ZBTB20: variants seen among roughly 807,000 people sequenced by gnomAD.
The protein encoded by ZBTB20 is zinc finger and BTB domain-containing protein 20.
Under a neutral mutation model 56.9 loss-of-function variants are expected in ZBTB20, and 9 were observed. The observed-to-expected ratio is 0.16, with a 90% confidence interval of 0.10 to 0.28. The LOEUF is 0.28. Among genes scored for constraint, ZBTB20 ranks in the 10% least tolerant of loss-of-function variants. The pLI, the probability that ZBTB20 is intolerant of heterozygous loss-of-function variation, is 1.00. For missense variants in ZBTB20, 655 were observed against 1,003.0 expected (o/e 0.65, Z 4.69); for synonymous variants, 417 against 420.7 (o/e 0.99, Z 0.11).
chr3:114,463,941 A>C (rs1339618028), intron 7 of ZBTB20, among the ~76,000 whole-genome samples: 2 of 152,228 alleles, frequency 1.3e-5, no homozygotes, highest in African/African-American at 4.8e-5. Flanking sequence ...TTTCAACATA[A>C]GTCATTAATA....
chr3:114,602,647 A>T (rs1239412125), intron 6 of ZBTB20, among the ~76,000 whole-genome samples: 1 of 152,008 alleles, frequency 6.6e-6, no homozygotes, highest in East Asian at 1.9e-4. Flanking sequence ...TTGTATCTCC[A>T]GCATGTAGAA....
intron 6 of ZBTB20, among the ~76,000 whole-genome samples, chr3:114,531,692 G>C (rs1463001019): frequency 1.3e-5 from 2 of 152,178 alleles, no homozygotes; most frequent in African/African-American, 4.8e-5. Flanking sequence ...AATGACCCTG[G>C]CTGGCAAGAT....
Position 114,380,753 on chromosome 3 carries a change from G to C in ZBTB20, c.11+24C>G, listed in dbSNP as rs143236914. 6.0e-6 allele frequency: 9 copies of C among 1,498,528 alleles called. No homozygotes were observed. The African/African-American group carries it at 8.4e-5, about 14-fold the overall frequency. 92.8% of individuals were successfully genotyped at this position (1,498,528 alleles called of 1,614,324 possible). ...CCCTTAGGAGTTTTAACATGGTCTG[G>C]AAAAATACTAGTGGAAGTTTTACCG... On this transcript the variant is annotated intron_variant, in intron 9 of 11. Coordinates refer to ENST00000675478, the MANE Select transcript of ZBTB20 (RefSeq NM_001348800.3).
At chr3:115,125,346 T>TA (rs55740856) in intron 1 of ZBTB20, among the ~76,000 whole-genome samples, 13,923 of 121,386 alleles carry the variant, frequency 0.11, 1,885 homozygotes, top group African/African-American at 0.34. Context: ...CTGCCTCAAA[T>TA]AAAAAAAAAA....
intron 1 of ZBTB20, among the ~76,000 whole-genome samples, chr3:115,073,663 T>C (rs2082492165): frequency 6.6e-6 from 1 of 151,966 alleles, no homozygotes; most frequent in Admixed American, 6.6e-5. Context: ...ATAGGGAAAT[T>C]AAAAATATTT....
At chr3:114,443,321 G>A (rs973179202) in intron 7 of ZBTB20, among the ~76,000 whole-genome samples, 4 of 152,154 alleles carry the variant, frequency 2.6e-5, no homozygotes, top group Non-Finnish European at 5.9e-5. Flanking sequence ...GGTGTAACAA[G>A]CTCATTAATC....
intron 7 of ZBTB20, among the ~76,000 whole-genome samples, chr3:114,453,391 T>G (rs1308530114): frequency 6.6e-6 from 1 of 152,130 alleles, no homozygotes. Context: ...AACTGACAAG[T>G]GACACAAGTG....
At chr3:115,112,828 G>T (rs1201225026) in intron 1 of ZBTB20, among the ~76,000 whole-genome samples, 6 of 152,096 alleles carry the variant, frequency 3.9e-5, no homozygotes, top group Admixed American at 1.3e-4. Context: ...TAGAGAGATT[G>T]CAATAGAGAG....
At chr3:114,376,051 G>C (rs2083582065) in intron 10 of ZBTB20, among the ~76,000 whole-genome samples, 1 of 152,196 alleles carries the variant, frequency 6.6e-6, no homozygotes, top group African/African-American at 2.4e-5. Context: ...CAACATTATG[G>C]TTTAAATGTG....
chr3:114,806,424 C>T (rs1038468342), intron 4 of ZBTB20, among the ~76,000 whole-genome samples: 1 of 151,810 alleles, frequency 6.6e-6, no homozygotes, highest in Middle Eastern at 3.2e-3. Context: ...ATATTTTGCC[C>T]AGTTTTTAGC....
At chr3:115,120,909 A>C (rs73230609) in intron 1 of ZBTB20, among the ~76,000 whole-genome samples, 10,546 of 152,152 alleles carry the variant, frequency 0.069, 521 homozygotes, top group Non-Finnish European at 0.11. Flanking sequence ...TGCTATGGCA[A>C]AAAATAGCCA....
At chr3:114,424,098 T>C (rs954886155) in intron 7 of ZBTB20, among the ~76,000 whole-genome samples, 10 of 152,242 alleles carry the variant, frequency 6.6e-5, no homozygotes, top group African/African-American at 1.9e-4. Flanking sequence ...TATTTTTCTT[T>C]ACAGTTGTTA....
intron 1 of ZBTB20, among the ~76,000 whole-genome samples, chr3:115,096,945 T>C (rs182872323): frequency 2.0e-5 from 3 of 152,348 alleles, no homozygotes; most frequent in Admixed American, 6.5e-5. Flanking sequence ...GGGGAAAGTA[T>C]GCAGCTGCTA....
At chr3:114,400,890 A>G (rs2086756106) in intron 7 of ZBTB20, among the ~76,000 whole-genome samples, 1 of 152,116 alleles carries the variant, frequency 6.6e-6, no homozygotes, top group Non-Finnish European at 1.5e-5. Flanking sequence ...GGCTGTACCG[A>G]GTCGGCATTG....
chr3:114,559,469 AC>A (rs2051710480), intron 6 of ZBTB20, among the ~76,000 whole-genome samples: 1 of 152,158 alleles, frequency 6.6e-6, no homozygotes, highest in African/African-American at 2.4e-5. Flanking sequence ...ACAATTGTGA[AC>A]CAGGTATAAT....
intron 2 of ZBTB20, among the ~76,000 whole-genome samples, chr3:115,067,396 A>G (rs907865888): frequency 6.6e-6 from 1 of 152,038 alleles, no homozygotes; most frequent in Admixed American, 6.6e-5. Context: ...GTGCCTCTTA[A>G]AAAATTTATA....
At chr3:114,945,939 T>C (rs1474655733) in intron 3 of ZBTB20, among the ~76,000 whole-genome samples, 1 of 145,390 alleles carries the variant, frequency 6.9e-6, no homozygotes, top group African/African-American at 2.8e-5. Context: ...AAGAAGAGCA[T>C]TAAATAATAC....
At chr3:114,414,006 A>G (rs899400215) in intron 7 of ZBTB20, among the ~76,000 whole-genome samples, 1 of 151,762 alleles carries the variant, frequency 6.6e-6, no homozygotes, top group Non-Finnish European at 1.5e-5. Flanking sequence ...CTTGATATCT[A>G]AACTGTGTGT....
chr3:115,073,059 A>G (rs2082467816), intron 1 of ZBTB20, among the ~76,000 whole-genome samples: 2 of 152,338 alleles, frequency 1.3e-5, no homozygotes, highest in East Asian at 1.9e-4. Flanking sequence ...GTCATTTTCT[A>G]TAACAGGAGT....
Sources: allele counts gnomAD v4.1 joint callset (sites outside exome capture counted in the v4.1 genomes callset), GRCh38; gene constraint gnomAD v4.1.1; transcripts MANE v1.5; gene names NCBI Gene and HGNC (gene_info 2026-07-23, HGNC 2026-07-21).